The following VGLL4 variants were observed in gnomAD, a reference collection of about 807,000 sequenced individuals.
VGLL4 encodes the protein vestigial like family member 4.
In VGLL4, 7 loss-of-function variants were observed where a neutral mutation model predicts 21.0. That is an observed-to-expected ratio of 0.33 (90% CI 0.19 to 0.63). The LOEUF is 0.63. VGLL4 is among the 20% of genes least tolerant of loss of function. The probability of loss-of-function intolerance (pLI) is 0.78; values close to 1 mark genes in which losing one functional copy is unlikely to be tolerated. For synonymous variants in VGLL4, 222 were observed against 173.2 expected (o/e 1.28, Z -2.21); for missense variants, 394 against 425.7 (o/e 0.93, Z 0.66).
chr3:11,564,054 T>C (rs1320162046), intron 3 of VGLL4, among the ~76,000 whole-genome samples: 1 of 152,212 alleles, frequency 6.6e-6, no homozygotes, highest in East Asian at 1.9e-4. Flanking sequence ...CTGTCAGTCT[T>C]AGCAAATGCT....
At chr3:11,600,689 G>A (rs73125070) in intron 2 of VGLL4, among the ~76,000 whole-genome samples, 10,315 of 152,264 alleles carry the variant, frequency 0.068, 553 homozygotes, top group African/African-American at 0.15. Flanking sequence ...CGAGGACGCT[G>A]GAGCTGAGGC....
At chr3:11,612,803 G>A (rs185750338) in intron 1 of VGLL4, 3 of 152,272 alleles carry the variant, frequency 2.0e-5, no homozygotes, top group African/African-American at 7.2e-5. Flanking sequence ...GAACCCCAAG[G>A]AGACAAAGCC....
chr3:11,576,169 A>G lies in VGLL4; in HGVS notation c.273-11150T>C, dbSNP rs1002868777. Among the ~76,000 whole-genome samples the G allele has an allele frequency of 5.3e-5, 8 of 152,212 alleles. No individual in the cohort carries two copies. In the East Asian group the frequency reaches 7.7e-4, roughly 15 times the overall value. Reference sequence around the variant, plus strand: ...AACTGTTGCCAGGGAAGTAGTTGTGAGAGCACAGCCAGCAGTGGATGCCCA... The same window carrying G: ...AACTGTTGCCAGGGAAGTAGTTGTGGGAGCACAGCCAGCAGTGGATGCCCA... On this transcript the variant is annotated intron_variant, in intron 2 of 4. Transcript: ENST00000430365.
intron 2 of VGLL4, among the ~76,000 whole-genome samples, chr3:11,594,216 A>G (rs898940451): frequency 7.2e-5 from 11 of 152,244 alleles, no homozygotes; most frequent in African/African-American, 2.7e-4. Context: ...CTATGGCATC[A>G]TCAAATGATC....
chr3:11,562,161 G>A (rs2073081055), intron 3 of VGLL4, among the ~76,000 whole-genome samples: 1 of 152,078 alleles, frequency 6.6e-6, no homozygotes, highest in South Asian at 2.1e-4. Flanking sequence ...CCCCCCAAAG[G>A]GCTGGGATTA....
intron 1 of VGLL4, among the ~76,000 whole-genome samples, chr3:11,607,860 G>A (rs11712416): frequency 0.5 from 76,711 of 152,108 alleles, 22,133 homozygotes; most frequent in Non-Finnish European, 0.68. Context: ...AAACACTTGA[G>A]GTGACTTAGG....
At chr3:11,573,888 G>A (rs1019355094) in intron 2 of VGLL4, among the ~76,000 whole-genome samples, 8 of 152,198 alleles carry the variant, frequency 5.3e-5, no homozygotes, top group Non-Finnish European at 8.8e-5. Context: ...TTATGAGGGC[G>A]TGCTCTAATC....
chr3:11,655,602 G>C (rs1346554943), intron 2 of VGLL4, among the ~76,000 whole-genome samples: 1 of 152,204 alleles, frequency 6.6e-6, no homozygotes, highest in African/African-American at 2.4e-5. Flanking sequence ...ACACTTGACT[G>C]CAGTGAGCCC....
chr3:11,679,698 C>T (rs1326150407), intron 2 of VGLL4, among the ~76,000 whole-genome samples: 1 of 151,960 alleles, frequency 6.6e-6, no homozygotes, highest in African/African-American at 2.4e-5. Context: ...AAAGAAGAAA[C>T]ATGTTTATAG....
rs1014430860 is a variant in VGLL4, at chr3:11,557,541, G to C, written c.*1015C>G. ...ACTGCTCATCGCGAGGGCCTGCCAG[G>C]AGCTGGCCTCCCGCACTACTTGTGA... On this transcript the variant is annotated 3_prime_UTR_variant, in exon 5 of 5. Transcript: ENST00000430365. 6.6e-6 allele frequency: 1 copy of C among 152,560 alleles called. No individual in the cohort carries two copies. The highest frequency in any genetic ancestry group is 1.5e-5 in the Non-Finnish European group (1 of 68,058). The allele number at this position is 152,560 out of a possible 1,614,324, so 9.5% of individuals were successfully genotyped here.
chr3:11,678,839 T>C (rs948672668), intron 2 of VGLL4, among the ~76,000 whole-genome samples: 4 of 152,236 alleles, frequency 2.6e-5, no homozygotes, highest in Admixed American at 6.5e-5. Flanking sequence ...CCCTGCATAA[T>C]GACGTTTCAG....
At chr3:11,602,141 G>T in intron 1 of VGLL4, 119 bp from the exon 2 acceptor site, 1 of 963,700 alleles carries the variant, frequency 1.0e-6, no homozygotes, top group Non-Finnish European at 1.4e-6. Context: ...AAAGTTTTTG[G>T]CAATGGGACG....
intron 2 of VGLL4, among the ~76,000 whole-genome samples, chr3:11,573,993 C>T (rs772911054): frequency 4.6e-5 from 7 of 152,126 alleles, no homozygotes; most frequent in Non-Finnish European, 8.8e-5. Context: ...GAGAGAAGAC[C>T]GTCATCAACA....
chr3:11,684,794 T>G (rs1456015733), intron 2 of VGLL4, among the ~76,000 whole-genome samples: 1 of 151,964 alleles, frequency 6.6e-6, no homozygotes, highest in East Asian at 1.9e-4. Flanking sequence ...CATTTGCAAT[T>G]CCTTTTGGTT....
chr3:11,621,156 A>G (rs2075259506), intron 1 of VGLL4, among the ~76,000 whole-genome samples: 1 of 152,246 alleles, frequency 6.6e-6, no homozygotes, highest in Non-Finnish European at 1.5e-5. Flanking sequence ...TAAGTCTCCA[A>G]CTTTTATAAT....
At chr3:11,619,493 C>T (rs2075224188) in intron 1 of VGLL4, among the ~76,000 whole-genome samples, 1 of 152,122 alleles carries the variant, frequency 6.6e-6, no homozygotes, top group Admixed American at 6.5e-5. Flanking sequence ...TTCCTTATGC[C>T]CTAGGGTGTG....
chr3:11,648,933 T>A (rs2075831519), intron 2 of VGLL4, among the ~76,000 whole-genome samples: 1 of 152,240 alleles, frequency 6.6e-6, no homozygotes, highest in South Asian at 2.1e-4. Context: ...TATAAACAGA[T>A]AACGCCTGTG....
intron 2 of VGLL4, among the ~76,000 whole-genome samples, chr3:11,670,867 A>G (rs766885207): frequency 3.3e-5 from 5 of 151,964 alleles, no homozygotes; most frequent in Admixed American, 2.0e-4. Context: ...ATGAAACCCC[A>G]CCTCTACTAA....
rs373891384 is a variant in VGLL4 at position 11,581,063 on chromosome 3, C to CTT, written c.273-16046_273-16045dup. Among the ~76,000 whole-genome samples, 310 of 104,094 alleles carry CTT rather than the reference C, an allele frequency of 3.0e-3. 1 individual carries two copies. Among genetic ancestry groups the CTT allele is most frequent in the Non-Finnish European group, 3.4e-3 (191 of 55,454 alleles). 68.3% of individuals were successfully genotyped at this position (104,094 alleles called of 152,430 possible). On this transcript the variant is annotated intron_variant, in intron 2 of 4. Coordinates refer to ENST00000430365, the MANE Select transcript of VGLL4 (RefSeq NM_001128219.3). The stretch of plus-strand genomic sequence containing the variant: ...ACAGATCCTCTTCAATCTGCAACTC[C>CTT]TTTTTTTTTTTTTTTAAAAAAAAAG...
Sources: gnomAD v4.1 joint callset for allele counts (sites outside exome capture counted in the v4.1 genomes callset) on GRCh38, gnomAD v4.1.1 for gene constraint, MANE v1.5 for transcripts, NCBI Gene and HGNC (gene_info 2026-07-23, HGNC 2026-07-21) for gene names.